SLCO4A1: variants seen among roughly 807,000 people sequenced by gnomAD.
SLCO4A1 encodes the protein solute carrier organic anion transporter family member 4A1.
SLCO4A1 carries 51 observed loss-of-function variants against 64.6 expected under a neutral mutation model. The ratio of observed to expected loss-of-function variants is 0.79; its 90% CI spans 0.63 to 1.00. The LOEUF is 1.00. Ranked by LOEUF, SLCO4A1 falls within the 50% of genes least tolerant of loss-of-function variation. The probability of loss-of-function intolerance (pLI) is 0.00; values close to 1 mark genes in which losing one functional copy is unlikely to be tolerated. For missense variants in SLCO4A1, 919 were observed against 980.5 expected (o/e 0.94, Z 0.84); for synonymous variants, 471 against 444.9 (o/e 1.06, Z -0.74).
chr20:62,658,884 A>T, intron 3 of SLCO4A1, 117 bp downstream of exon 3: 1 of 863,950 alleles, frequency 1.2e-6, no homozygotes, highest in Non-Finnish European at 1.8e-6. Flanking sequence ...GGTGCTGGGC[A>T]CCCCCCGGGC....
At chr20:62,651,543 G>A (rs553804577) in intron 1 of SLCO4A1, 1 of 152,336 alleles carries the variant, frequency 6.6e-6, no homozygotes, top group South Asian at 2.1e-4. Flanking sequence ...TTTAAAAGAG[G>A]ATTTTAAATT....
chr20:62,685,380 C>T lies in SLCO4A1; in HGVS notation n.212-61C>T, dbSNP rs1988025253. ...GGGCAACTGCACCCGCTCCCTTCCACTCTGCTGTGGCCTGACCAAGCGGGC... is the reference window on the plus strand; with the variant it reads ...GGGCAACTGCACCCGCTCCCTTCCATTCTGCTGTGGCCTGACCAAGCGGGC... On this transcript the variant is annotated intron_variant and non_coding_transcript_variant, in intron 2 of 2. Transcript: ENST00000466818. This position sits in a 1 kb window ranked among gnomAD's most constrained non-coding sequence, Gnocchi z 4.6. 1 of 926,440 alleles carries T rather than the reference C, an allele frequency of 1.1e-6. No individual in the cohort carries two copies. The highest frequency in any genetic ancestry group is 1.8e-5 in the African/African-American group (1 of 56,072). 57.4% of individuals were successfully genotyped at this position (926,440 alleles called of 1,614,324 possible).
At chr20:62,660,654 C>G in intron 4 of SLCO4A1, 121 bp downstream of exon 4, 1 of 1,212,004 alleles carries the variant, frequency 8.3e-7, no homozygotes, top group Non-Finnish European at 1.2e-6. Flanking sequence ...TGCGGCACAC[C>G]CTCATTCTCA....
chr20:62,665,398 T>G (rs1601660518), intron 6 of SLCO4A1: 1 of 285,268 alleles, frequency 3.5e-6, no homozygotes, highest in Non-Finnish European at 6.5e-6. Flanking sequence ...GACCTGGCTG[T>G]TCCATGAGCC....
intron 7 of SLCO4A1, among the ~76,000 whole-genome samples, chr20:62,666,943 G>A (rs943973294): frequency 1.3e-5 from 2 of 152,240 alleles, no homozygotes; most frequent in African/African-American, 4.8e-5. Flanking sequence ...TCCTGGAGTT[G>A]CCATGTGCTG....
downstream of SLCO4A1, among the ~76,000 whole-genome samples, chr20:62,673,061 G>GCTA (rs1413305873): frequency 7.0e-6 from 1 of 143,572 alleles, no homozygotes; most frequent in Non-Finnish European, 1.6e-5. Context: ...ATTTTGATTT[G>GCTA]CTAAGTAAGG....
chr20:62,681,437 CGT>C (rs1165139092), intron 2 of SLCO4A1, among the ~76,000 whole-genome samples: 3 of 150,646 alleles, frequency 2.0e-5, no homozygotes, highest in Non-Finnish European at 4.4e-5. Flanking sequence ...TGTACACACT[CGT>C]GTGTGTGTAT....
At chr20:62,674,472 G>A (rs1987492899), downstream of SLCO4A1, among the ~76,000 whole-genome samples, 1 of 152,228 alleles carries the variant, frequency 6.6e-6, no homozygotes, top group Non-Finnish European at 1.5e-5. Flanking sequence ...AGAGCCCAGG[G>A]ACACTGGGTG....
intron 2 of SLCO4A1, among the ~76,000 whole-genome samples, chr20:62,683,577 T>C (rs1221720130): frequency 6.6e-6 from 1 of 152,196 alleles, no homozygotes; most frequent in Admixed American, 6.5e-5. Context: ...TGAGACCTAT[T>C]GTTGGTGCAC....
intron 7 of SLCO4A1, among the ~76,000 whole-genome samples, chr20:62,667,147 C>T (rs536426095): frequency 9.2e-5 from 14 of 152,240 alleles, no homozygotes; most frequent in South Asian, 2.1e-4. Context: ...GGGGTCACTA[C>T]GCTGTCCTCA....
At chr20:62,666,637 T>C (rs1986400000) in intron 7 of SLCO4A1, 62 bp downstream of exon 7, 21 of 1,420,996 alleles carry the variant, frequency 1.5e-5, no homozygotes, top group Non-Finnish European at 2.0e-5. Flanking sequence ...TCCCTGGGCA[T>C]GGAGGAGGAG....
At chr20:62,653,014 AC>A (rs980883728) in intron 1 of SLCO4A1, among the ~76,000 whole-genome samples, 1 of 151,876 alleles carries the variant, frequency 6.6e-6, no homozygotes, top group East Asian at 1.9e-4. Context: ...CAAATGACTG[AC>A]CCCCCTGGGC....
In SLCO4A1 at chr20:62,645,673, C is replaced by T. The variant is rs1309335954; in HGVS notation, c.-97+3120C>T. On this transcript the variant is annotated intron_variant, in intron 1 of 11. Transcript: ENST00000217159. The surrounding 1 kb of genome is among the most constrained non-coding windows in gnomAD (Gnocchi z 4.2). ...GTGACTGCTTTTTCAAACCACGTGC[C>T]TTCTGCAGAAGCCGCTCCCCACGTA... Among the ~76,000 whole-genome samples the T allele has an allele frequency of 2.0e-5, 3 of 151,984 alleles. No individual in the cohort carries two copies. The highest frequency in any genetic ancestry group is 2.1e-4 in the South Asian group (1 of 4,830).
At chr20:62,655,752 C>T (rs76759076) in intron 1 of SLCO4A1, among the ~76,000 whole-genome samples, 2,541 of 152,280 alleles carry the variant, frequency 0.017, 61 homozygotes, top group African/African-American at 0.056. Flanking sequence ...GCTCACGTGG[C>T]CCAGGAGGCT....
chr20:62,668,420 T>C (rs917742886), intron 9 of SLCO4A1, 57 bp from the exon 10 acceptor site: 2 of 1,566,168 alleles, frequency 1.3e-6, no homozygotes, highest in African/African-American at 1.4e-5. Context: ...GCCTAGGGGG[T>C]GACTTGGCAT....
At chr20:62,676,566 T>A (rs768257557), downstream of SLCO4A1, among the ~76,000 whole-genome samples, 1 of 152,160 alleles carries the variant, frequency 6.6e-6, no homozygotes, top group Non-Finnish European at 1.5e-5. Context: ...ATTTTCCCAC[T>A]CAGGGAAGTG....
chr20:62,648,791 C>T (rs1601608606), intron 1 of SLCO4A1, among the ~76,000 whole-genome samples: 1 of 152,196 alleles, frequency 6.6e-6, no homozygotes, highest in East Asian at 1.9e-4. Flanking sequence ...CTCCAGGCTC[C>T]GGGCCTCTTG....
At chr20:62,681,380 CGTGT>C (rs1182087612) in intron 2 of SLCO4A1, among the ~76,000 whole-genome samples, 17 of 152,060 alleles carry the variant, frequency 1.1e-4, no homozygotes, top group African/African-American at 2.2e-4. Flanking sequence ...CACTCGTGTG[CGTGT>C]GTATTAAGCC....
chr20:62,653,202 C>A (rs1188907246), intron 1 of SLCO4A1, among the ~76,000 whole-genome samples: 1 of 152,222 alleles, frequency 6.6e-6, no homozygotes, highest in East Asian at 1.9e-4. Context: ...ACCTCCGATT[C>A]CACAGAGGAG....
Sources: gnomAD v4.1 joint callset for allele counts (sites outside exome capture counted in the v4.1 genomes callset) on GRCh38, gnomAD v4.1.1 for gene constraint, Gnocchi (gnomAD v3.1) non-coding constraint, MANE v1.5 for transcripts, NCBI Gene and HGNC (gene_info 2026-07-23, HGNC 2026-07-21) for gene names.